FRMD4B: variants seen among roughly 807,000 people sequenced by gnomAD.
FRMD4B encodes FERM domain-containing protein 4B.
FRMD4B carries 74 observed loss-of-function variants against 141.5 expected under a neutral mutation model. The observed-to-expected ratio is 0.52, with a 90% CI of 0.43 to 0.63. The LOEUF (loss-of-function observed/expected upper bound fraction) is 0.63, where lower values mean the gene tolerates loss of function less well. Among genes scored for constraint, FRMD4B ranks in the 30% least tolerant of loss-of-function variants. The pLI is 0.00. For missense variants in FRMD4B, 1,366 were observed against 1,253.4 expected, an observed-to-expected ratio of 1.09 and a Z score of -1.36; for synonymous variants, 506 against 467.9, an observed-to-expected ratio of 1.08 and a Z score of -1.05.
intron 17 of FRMD4B, among the ~76,000 whole-genome samples, chr3:69,191,371 G>T (rs1397618360): frequency 6.6e-6 from 1 of 152,162 alleles, no homozygotes; most frequent in Non-Finnish European, 1.5e-5. Flanking sequence ...AGTGAGCCGA[G>T]ATCATGCCAC....
chr3:69,282,629 C>A (rs1183053217), intron 5 of FRMD4B, among the ~76,000 whole-genome samples: 1 of 152,138 alleles, frequency 6.6e-6, no homozygotes, highest in African/African-American at 2.4e-5. Flanking sequence ...TTGTTACCAG[C>A]CATCTACATT....
chr3:69,414,198 G>C (rs900056611), intron 2 of FRMD4B, among the ~76,000 whole-genome samples: 5 of 152,002 alleles, frequency 3.3e-5, no homozygotes, highest in African/African-American at 4.8e-5. Context: ...AAAATCATAA[G>C]AGCTTGCACA....
chr3:69,277,079 A>C (rs1034092970), intron 5 of FRMD4B, among the ~76,000 whole-genome samples: 4 of 152,218 alleles, frequency 2.6e-5, no homozygotes, highest in Non-Finnish European at 5.9e-5. Context: ...GTAAGAGGGA[A>C]GATAAAAATA....
intron 1 of FRMD4B, among the ~76,000 whole-genome samples, chr3:69,379,235 T>C (rs2086794): frequency 0.94 from 142,717 of 152,126 alleles, 66,935 homozygotes; most frequent in East Asian, 0.97. Context: ...TAAAGGTAAA[T>C]TGAGCACTCA....
At chr3:69,472,351 G>C in intron 1 of FRMD4B, 1 of 488,156 alleles carries the variant, frequency 2.0e-6, no homozygotes, top group East Asian at 6.0e-5. Flanking sequence ...ATTCTTGTTG[G>C]ATATATCACA....
chr3:69,416,502 A>G (rs565934666), intron 2 of FRMD4B, among the ~76,000 whole-genome samples: 52 of 152,312 alleles, frequency 3.4e-4, no homozygotes, highest in African/African-American at 1.3e-3. Flanking sequence ...AATTGTCTTC[A>G]GGCTCAAAAA....
chr3:69,232,067 T>C (rs532743531), intron 7 of FRMD4B, among the ~76,000 whole-genome samples: 20 of 152,114 alleles, frequency 1.3e-4, no homozygotes, highest in African/African-American at 4.8e-4. Flanking sequence ...AACCTCAGAG[T>C]TCAGAGGGAG....
At chr3:69,180,781 T>G in intron 21 of FRMD4B, 118 bp downstream of exon 21, 1 of 675,798 alleles carries the variant, frequency 1.5e-6, no homozygotes. Context: ...TTCCACCGAA[T>G]GGTTGCCCCA....
chr3:69,379,356 G>A (rs896877250), intron 1 of FRMD4B, among the ~76,000 whole-genome samples: 3 of 152,132 alleles, frequency 2.0e-5, no homozygotes, highest in African/African-American at 7.2e-5. Context: ...TCAGCTCACT[G>A]CAGCTTTAGC....
chr3:69,343,938 T>G (rs1267644380), intron 1 of FRMD4B, among the ~76,000 whole-genome samples: 2 of 152,194 alleles, frequency 1.3e-5, no homozygotes, highest in African/African-American at 4.8e-5. Flanking sequence ...AAAGTCAAGC[T>G]TGTAAGAGCT....
chr3:69,536,159 G>C (rs1436189234), intron 1 of FRMD4B: 2 of 526,632 alleles, frequency 3.8e-6, no homozygotes, highest in South Asian at 2.0e-5. Context: ...CTGCACCTCT[G>C]CTGGCCTCTT....
intron 7 of FRMD4B, among the ~76,000 whole-genome samples, chr3:69,237,717 T>C (rs184630252): frequency 6.6e-6 from 1 of 152,282 alleles, no homozygotes; most frequent in East Asian, 1.9e-4. Flanking sequence ...TAAAAGATAT[T>C]CTTTGGGCTT....
intron 5 of FRMD4B, among the ~76,000 whole-genome samples, chr3:69,281,818 C>T (rs1372380973): frequency 7.4e-5 from 3 of 40,492 alleles, no homozygotes; most frequent in South Asian, 1.6e-3. Context: ...AGTAAGACTC[C>T]GTCTCAAAAA....
intron 1 of FRMD4B, among the ~76,000 whole-genome samples, chr3:69,485,774 C>G (rs1706204852): frequency 6.6e-6 from 1 of 152,216 alleles, no homozygotes; most frequent in Admixed American, 6.5e-5. Context: ...AGCTCCCCTT[C>G]ACCTGGTGCG....
At chr3:69,381,682 T>A (rs959096789) in intron 1 of FRMD4B, among the ~76,000 whole-genome samples, 9 of 152,242 alleles carry the variant, frequency 5.9e-5, no homozygotes, top group African/African-American at 2.2e-4. Context: ...AATCTTATGA[T>A]AAGCCCCTTA....
At chr3:69,528,561 T>C (rs528042955) in intron 1 of FRMD4B, among the ~76,000 whole-genome samples, 3 of 152,046 alleles carry the variant, frequency 2.0e-5, no homozygotes, top group Admixed American at 6.6e-5. Flanking sequence ...AGATGGGGTT[T>C]TGTCATGTTG....
In FRMD4B at chr3:69,250,079, G is replaced by T. The variant is rs760964747; in HGVS notation, c.522C>A (p.Ser174Arg). ...CVHKGQIEVE[S>R]ETIFKLAAFI... is the part of the protein sequence containing the mutation. ...ACGCTGCTAACTTGAAGATGGTTTCGCTCTCTACTTCGATTTGCCCCTGTT... is the reference window on the plus strand; with the variant it reads ...ACGCTGCTAACTTGAAGATGGTTTCTCTCTCTACTTCGATTTGCCCCTGTT... Residue 174 changes from serine (S) to arginine (R), a missense_variant, in exon 6 of 23, where the codon AGC becomes AGA. Physicochemically the swap from Ser to Arg is moderately radical, Grantham distance 110. Coordinates refer to ENST00000398540, the MANE Select transcript of FRMD4B (RefSeq NM_015123.3). 50 of 1,610,368 alleles carry T rather than the reference G, an allele frequency of 3.1e-5. No homozygotes were observed. The highest frequency in any genetic ancestry group is 4.2e-5 in the Non-Finnish European group (49 of 1,176,634).
chr3:69,177,106 G>C (rs183999693), intron 21 of FRMD4B, among the ~76,000 whole-genome samples: 13 of 152,292 alleles, frequency 8.5e-5, no homozygotes, highest in African/African-American at 2.4e-4. Context: ...GGGAAGCCGA[G>C]GCGGGAGGAC....
chr3:69,492,060 C>T (rs1706308611), intron 1 of FRMD4B, among the ~76,000 whole-genome samples: 1 of 152,198 alleles, frequency 6.6e-6, no homozygotes, highest in African/African-American at 2.4e-5. Flanking sequence ...CTAGTCTTAG[C>T]CTTGCAATTA....
Sources: allele counts gnomAD v4.1 joint callset (sites outside exome capture counted in the v4.1 genomes callset), GRCh38; gene constraint gnomAD v4.1.1; transcripts MANE v1.5; gene names NCBI Gene and HGNC (gene_info 2026-07-23, HGNC 2026-07-21).